TMEM163: variants seen among roughly 807,000 people sequenced by gnomAD.
TMEM163 encodes transmembrane protein 163.
TMEM163 carries 17 observed loss-of-function variants against 29.3 expected under a neutral mutation model. That is an observed-to-expected ratio of 0.58 (90% CI 0.40 to 0.87). TMEM163 has a LOEUF of 0.87. Ranked by LOEUF, TMEM163 falls within the 40% of genes least tolerant of loss-of-function variation. The pLI is 0.00. For missense variants in TMEM163, 303 were observed against 381.5 expected, an observed-to-expected ratio of 0.79 and a Z score of 1.71; for synonymous variants, 157 against 160.6, an observed-to-expected ratio of 0.98 and a Z score of 0.17.
intron 5 of TMEM163, among the ~76,000 whole-genome samples, chr2:134,499,091 T>G (rs1444131139): frequency 1.3e-5 from 2 of 152,200 alleles, no homozygotes; most frequent in South Asian, 4.1e-4. Context: ...AAGATACTTC[T>G]TTTAAAACAA....
At chr2:134,542,744 C>T (rs373321060) in intron 4 of TMEM163, among the ~76,000 whole-genome samples, 2 of 152,168 alleles carry the variant, frequency 1.3e-5, no homozygotes, top group African/African-American at 2.4e-5. Flanking sequence ...AGAAATGTAT[C>T]GTCCCACAGT....
chr2:134,641,291 GA>G (rs1318909786), intron 2 of TMEM163, among the ~76,000 whole-genome samples: 2 of 152,062 alleles, frequency 1.3e-5, no homozygotes, highest in African/African-American at 4.8e-5. Context: ...TCGACTGTAA[GA>G]AAAAATGGAC....
chr2:134,571,889 C>T (rs1681440068), intron 2 of TMEM163, among the ~76,000 whole-genome samples: 1 of 152,152 alleles, frequency 6.6e-6, no homozygotes, highest in African/African-American at 2.4e-5. Context: ...GAATTCCAGA[C>T]TTCTGGAAGG....
chr2:134,718,647 C>A, intron 1 of TMEM163, 87 bp downstream of exon 1: 1 of 1,019,320 alleles, frequency 9.8e-7, no homozygotes, highest in Non-Finnish European at 1.2e-6. Context: ...GAGCCCCGCG[C>A]CTCGCCCAGC....
At chr2:134,595,529 G>A (rs907392602) in intron 2 of TMEM163, among the ~76,000 whole-genome samples, 9 of 152,096 alleles carry the variant, frequency 5.9e-5, no homozygotes, top group African/African-American at 1.9e-4. Flanking sequence ...TGGACATTTG[G>A]GTTGGTTCCA....
intron 2 of TMEM163, among the ~76,000 whole-genome samples, chr2:134,606,729 G>T (rs186197473): frequency 9.9e-5 from 15 of 152,148 alleles, no homozygotes; most frequent in Non-Finnish European, 2.1e-4. Context: ...ACAAGCAAAC[G>T]GCACACAGTG....
At chr2:134,474,405 G>T (rs1398627596) in intron 5 of TMEM163, among the ~76,000 whole-genome samples, 1 of 151,030 alleles carries the variant, frequency 6.6e-6, no homozygotes, top group Non-Finnish European at 1.5e-5. Flanking sequence ...CCTGATAAAT[G>T]GTATCTAGGA....
At chr2:134,666,308 C>T (rs1683872622) in intron 2 of TMEM163, among the ~76,000 whole-genome samples, 1 of 150,404 alleles carries the variant, frequency 6.6e-6, no homozygotes, top group African/African-American at 2.4e-5. Flanking sequence ...AGCTCCCTGG[C>T]ACAGCCTAGA....
chr2:134,552,202 A>T, intron 2 of TMEM163, 111 bp from the exon 3 acceptor site: 1 of 791,554 alleles, frequency 1.3e-6, no homozygotes, highest in Non-Finnish European at 2.0e-6. Flanking sequence ...CCAAGAGAAC[A>T]AAACCAAAAA....
chr2:134,456,913 T>C (rs1021061029), intron 7 of TMEM163, 137 bp from the exon 8 acceptor site: 36 of 848,576 alleles, frequency 4.2e-5, no homozygotes, highest in Middle Eastern at 3.1e-4. Context: ...TGGTTTTTAG[T>C]ATATTCATCC....
At chr2:134,621,115 C>T (rs542969946) in intron 2 of TMEM163, among the ~76,000 whole-genome samples, 5 of 152,264 alleles carry the variant, frequency 3.3e-5, no homozygotes, top group African/African-American at 7.2e-5. Flanking sequence ...ATATATCCCT[C>T]GTATCATTCA....
chr2:134,621,783 C>G (rs184858480), intron 2 of TMEM163, among the ~76,000 whole-genome samples: 1 of 151,582 alleles, frequency 6.6e-6, no homozygotes, highest in Non-Finnish European at 1.5e-5. Flanking sequence ...CCCAGCTACT[C>G]GGGAGGCTGA....
At chr2:134,545,412 C>T (rs1353921616) in intron 4 of TMEM163, among the ~76,000 whole-genome samples, 2 of 152,208 alleles carry the variant, frequency 1.3e-5, no homozygotes, top group Non-Finnish European at 2.9e-5. Context: ...CCTGCCTTTG[C>T]AGTAGAGGCT....
chr2:134,505,443 G>T (rs6707818), intron 4 of TMEM163, among the ~76,000 whole-genome samples: 2,233 of 152,050 alleles, frequency 0.015, 58 homozygotes, highest in African/African-American at 0.052. Flanking sequence ...GACAACACAG[G>T]ACTCCCTGGA....
At chr2:134,476,401 C>A (rs1574160570) in intron 5 of TMEM163, among the ~76,000 whole-genome samples, 2 of 152,098 alleles carry the variant, frequency 1.3e-5, no homozygotes, top group Admixed American at 6.5e-5. Context: ...AGTTCTGTGA[C>A]AATACACATC....
At chr2:134,502,310 G>A in intron 5 of TMEM163, among the ~76,000 whole-genome samples, 1 of 152,138 alleles carries the variant, frequency 6.6e-6, no homozygotes, top group South Asian at 2.1e-4. Context: ...TGCATGACAG[G>A]AGGCTGTAAA....
intron 5 of TMEM163, among the ~76,000 whole-genome samples, chr2:134,488,954 TAA>T (rs931753322): frequency 1.3e-5 from 2 of 152,288 alleles, no homozygotes; most frequent in East Asian, 3.9e-4. Flanking sequence ...AAAATTGTGA[TAA>T]GTTTGAAAAT....
intron 4 of TMEM163, among the ~76,000 whole-genome samples, chr2:134,504,075 C>A (rs1027491630): frequency 1.3e-5 from 2 of 152,176 alleles, no homozygotes; most frequent in African/African-American, 4.8e-5. Context: ...AACAAAATCA[C>A]GTTTTATTAT....
At chr2:134,622,774 C>A (rs1236921622) in intron 2 of TMEM163, among the ~76,000 whole-genome samples, 1 of 151,408 alleles carries the variant, frequency 6.6e-6, no homozygotes, top group African/African-American at 2.4e-5. Flanking sequence ...TCTTTTTTTT[C>A]TTTTTGAGAC....
Sources: gnomAD v4.1 joint callset for allele counts (sites outside exome capture counted in the v4.1 genomes callset) on GRCh38, gnomAD v4.1.1 for gene constraint, MANE v1.5 for transcripts, NCBI Gene and HGNC (gene_info 2026-07-23, HGNC 2026-07-21) for gene names.